The following NCKAP5 variants were observed in gnomAD, a reference collection of about 807,000 sequenced individuals.
NCKAP5 encodes NCK associated protein 5, also known as nck-associated protein 5.
In NCKAP5, 92 loss-of-function variants were observed where a neutral mutation model predicts 167.0. The ratio of observed to expected loss-of-function variants is 0.55; its 90% CI spans 0.47 to 0.66. NCKAP5 has a LOEUF of 0.66. NCKAP5 is among the 30% of genes least tolerant of loss of function. NCKAP5 has a pLI of 0.00. For synonymous variants in NCKAP5, 891 were observed against 877.4 expected (o/e 1.02, Z -0.27); for missense variants, 2,378 against 2,315.0 (o/e 1.03, Z -0.56).
At chr2:133,013,441 G>A (rs150694200) in intron 6 of NCKAP5, among the ~76,000 whole-genome samples, 1 of 152,342 alleles carries the variant, frequency 6.6e-6, no homozygotes, top group Non-Finnish European at 1.5e-5. Flanking sequence ...GAAGGTGAAA[G>A]GCACGTTTCA....
rs553548714 is a variant in NCKAP5, at chr2:133,315,781, C to T, written c.70-12671G>A. On this transcript the variant is annotated intron_variant, in intron 3 of 19. Coordinates refer to ENST00000409261, the MANE Select transcript of NCKAP5 (RefSeq NM_207363.3). The stretch of plus-strand genomic sequence containing the variant: ...AATTGGCCAATATAGTGGCCATTAG[C>T]GGCCCGACAAAAACAGTTTCAGTGG... 1.5e-4 allele frequency among the ~76,000 whole-genome samples: 23 copies of T among 152,298 alleles called. No homozygotes were observed. In the South Asian group the frequency reaches 3.5e-3, roughly 23 times the overall value.
intron 8 of NCKAP5, among the ~76,000 whole-genome samples, chr2:132,939,290 A>T (rs1017028188): frequency 6.6e-6 from 1 of 152,240 alleles, no homozygotes; most frequent in Non-Finnish European, 1.5e-5. Flanking sequence ...GGCATTCTAC[A>T]GAACAGATAA....
intron 8 of NCKAP5, among the ~76,000 whole-genome samples, chr2:132,941,695 T>A (rs1241850022): frequency 6.6e-6 from 1 of 152,214 alleles, no homozygotes; most frequent in African/African-American, 2.4e-5. Flanking sequence ...TACATTTTCA[T>A]GAGTCGACAA....
rs145582248 is a variant in NCKAP5 at position 133,035,351 on chromosome 2, T to G, written c.342-41112A>C. On this transcript the variant is annotated intron_variant, in intron 6 of 19. Transcript: ENST00000409261. ...CCCCACTTTCAGCAATGGACAAATC[T>G]TTGAGACAGGAAGTCAACAAGAGAA... 7.2e-5 allele frequency among the ~76,000 whole-genome samples: 11 copies of G among 152,122 alleles called. No individual in the cohort carries two copies. The East Asian group carries it at 1.9e-3, about 27-fold the overall frequency.
chr2:133,347,104 A>G (rs1684028934), intron 3 of NCKAP5, among the ~76,000 whole-genome samples: 1 of 152,248 alleles, frequency 6.6e-6, no homozygotes, highest in African/African-American at 2.4e-5. Flanking sequence ...CTACAAAGCT[A>G]TGTACATAGA....
At chr2:132,997,610 A>G (rs564774636) in intron 6 of NCKAP5, among the ~76,000 whole-genome samples, 3 of 152,072 alleles carry the variant, frequency 2.0e-5, no homozygotes, top group Non-Finnish European at 4.4e-5. Context: ...GGATGAAATC[A>G]TTTTTACTGA....
chr2:133,422,774 G>C (rs147958272), intron 3 of NCKAP5, among the ~76,000 whole-genome samples: 3 of 152,204 alleles, frequency 2.0e-5, no homozygotes, highest in East Asian at 1.9e-4. Context: ...CTTTAACTTC[G>C]TCTGTGATCA....
intron 8 of NCKAP5, among the ~76,000 whole-genome samples, chr2:132,892,112 A>G (rs1692758234): frequency 6.6e-6 from 1 of 152,090 alleles, no homozygotes; most frequent in Non-Finnish European, 1.5e-5. Flanking sequence ...TGAGGGAGAG[A>G]TTTTGGCCAA....
chr2:133,259,747 C>T (rs75293080), intron 4 of NCKAP5, among the ~76,000 whole-genome samples: 2,657 of 152,280 alleles, frequency 0.017, 32 homozygotes, highest in Non-Finnish European at 0.025. Flanking sequence ...GTAGACACAA[C>T]GATTCATAGG....
intron 3 of NCKAP5, among the ~76,000 whole-genome samples, chr2:133,464,805 T>A (rs1692440122): frequency 3.9e-5 from 6 of 152,056 alleles, no homozygotes; most frequent in Admixed American, 3.9e-4. Context: ...GTCATTGCCT[T>A]CAGCTTTGTC....
At chr2:133,207,401 T>C (rs1454687499) in intron 5 of NCKAP5, among the ~76,000 whole-genome samples, 1 of 152,290 alleles carries the variant, frequency 6.6e-6, no homozygotes, top group East Asian at 1.9e-4. Context: ...TCAATTATAT[T>C]AATGATTTTT....
intron 9 of NCKAP5, among the ~76,000 whole-genome samples, chr2:132,875,265 AGAG>A (rs1691177836): frequency 6.6e-6 from 1 of 152,206 alleles, no homozygotes; most frequent in African/African-American, 2.4e-5. Flanking sequence ...AAGCAGGTAC[AGAG>A]GAGAAGCACT....
chr2:132,816,604 T>G (rs1238408263), intron 11 of NCKAP5, among the ~76,000 whole-genome samples: 1 of 152,076 alleles, frequency 6.6e-6, no homozygotes, highest in East Asian at 2.0e-4. Context: ...GCAGAGCTAG[T>G]GTCTTCATAT....
intron 5 of NCKAP5, among the ~76,000 whole-genome samples, chr2:133,132,044 C>T (rs1014403880): frequency 3.9e-5 from 6 of 152,038 alleles, no homozygotes; most frequent in Admixed American, 1.3e-4. Flanking sequence ...AATCCCAGCA[C>T]TTTGGGAGGC....
At chr2:133,248,158 T>G (rs943741398) in intron 4 of NCKAP5, among the ~76,000 whole-genome samples, 2 of 152,202 alleles carry the variant, frequency 1.3e-5, no homozygotes, top group Non-Finnish European at 1.5e-5. Context: ...CACACAACTT[T>G]CGTTGATTTC....
At chr2:133,185,638 C>G (rs2084914997) in intron 5 of NCKAP5, among the ~76,000 whole-genome samples, 1 of 152,018 alleles carries the variant, frequency 6.6e-6, no homozygotes, top group African/African-American at 2.4e-5. Flanking sequence ...TCCCTGATTT[C>G]TTTCATCAGT....
chr2:133,074,369 A>ATT (rs36065268), intron 6 of NCKAP5, among the ~76,000 whole-genome samples: 4,890 of 151,458 alleles, frequency 0.032, 272 homozygotes, highest in African/African-American at 0.11. Context: ...AATTTAATTA[A>ATT]TTTTTTTTGA....
chr2:132,785,792 A>T, intron 13 of NCKAP5, 74 bp from the exon 14 acceptor site: 1 of 1,224,132 alleles, frequency 8.2e-7, no homozygotes, highest in Non-Finnish European at 1.1e-6. Flanking sequence ...AAAGTACATC[A>T]TGGGACTTAA....
rs10685479 is a variant in NCKAP5, at chr2:133,249,998, T to TTTATTATTATTATTATTATTA, written c.144-36240_144-36220dup. Reference sequence around the variant, plus strand: ...AACATGTAAAGCCACCACCAAGGGTTTTATTATTATTATTATTATTATTAT... The same window carrying TTTATTATTATTATTATTATTA: ...AACATGTAAAGCCACCACCAAGGGTTTTATTATTATTATTATTATTATTATTATTATTATTATTATTATTAT... On this transcript the variant is annotated intron_variant, in intron 4 of 19. Coordinates refer to ENST00000409261, the MANE Select transcript of NCKAP5 (RefSeq NM_207363.3). Among the ~76,000 whole-genome samples, 543 of 138,214 alleles carry TTTATTATTATTATTATTATTA rather than the reference T, an allele frequency of 3.9e-3. 1 individual carries two copies. The highest frequency in any genetic ancestry group is 5.1e-3 in the South Asian group (21 of 4,078). 90.7% of individuals were successfully genotyped at this position (138,214 alleles called of 152,430 possible). A position where few individuals can be genotyped will look rare whatever the true frequency, so the allele number is the denominator to read the frequency against.
Sources: allele counts gnomAD v4.1 joint callset (sites outside exome capture counted in the v4.1 genomes callset), GRCh38; gene constraint gnomAD v4.1.1; transcripts MANE v1.5; gene names NCBI Gene and HGNC (gene_info 2026-07-23, HGNC 2026-07-21).